Variants in ASAP1 observed in about 807,000 individuals in gnomAD.
ASAP1 encodes arf-GAP with SH3 domain, ANK repeat and PH domain-containing protein 1.
In ASAP1, 43 loss-of-function variants were observed where a neutral mutation model predicts 145.2. The ratio of observed to expected loss-of-function variants is 0.30; its 90% CI spans 0.23 to 0.38. The LOEUF is 0.38. ASAP1 is among the 10% of genes least tolerant of loss of function. The pLI is 1.00. For synonymous variants in ASAP1, 546 were observed against 515.5 expected (o/e 1.06, Z -0.80); for missense variants, 1,018 against 1,355.3 (o/e 0.75, Z 3.91).
chr8:130,178,908 C>T (rs1348954488), intron 9 of ASAP1, among the ~76,000 whole-genome samples: 1 of 148,966 alleles, frequency 6.7e-6, no homozygotes, highest in African/African-American at 2.5e-5. Context: ...AAAAAAAAGG[C>T]AAAATGCCAA....
intron 2 of ASAP1, among the ~76,000 whole-genome samples, chr8:130,376,652 G>C (rs1036511602): frequency 2.0e-5 from 3 of 152,022 alleles, no homozygotes; most frequent in African/African-American, 4.8e-5. Flanking sequence ...CTTGAACCAG[G>C]GAGTCAGGGG....
In ASAP1 at chr8:130,370,690, A is replaced by C. The variant is rs372115031; in HGVS notation, c.60-12547T>G. ...AACAAATGGATAAACAAAATGTGGT[A>C]TATCCATACAATGGAATATTATTCA... is the stretch of plus-strand genomic sequence containing the variant. On this transcript the variant is annotated intron_variant, in intron 2 of 29. Transcript: ENST00000518721. Among the ~76,000 whole-genome samples, 165 of 152,388 alleles carry C rather than the reference A, an allele frequency of 1.1e-3. 3 individuals are homozygous for C. Among genetic ancestry groups the C allele is most frequent in the African/African-American group, 3.9e-3 (162 of 41,606 alleles).
chr8:130,393,264 T>C (rs1238804556), intron 2 of ASAP1, among the ~76,000 whole-genome samples: 2 of 152,190 alleles, frequency 1.3e-5, no homozygotes, highest in African/African-American at 2.4e-5. Flanking sequence ...AGGAAAATCA[T>C]GAGGAAATGT....
chr8:130,442,201 AAAG>A (rs1830509203), intron 1 of ASAP1, among the ~76,000 whole-genome samples: 1 of 152,228 alleles, frequency 6.6e-6, no homozygotes, highest in Non-Finnish European at 1.5e-5. Context: ...GCTGTGACGC[AAAG>A]AAGACGTTTC....
intron 7 of ASAP1, among the ~76,000 whole-genome samples, chr8:130,186,415 T>C (rs899592516): frequency 1.2e-4 from 18 of 152,188 alleles, no homozygotes; most frequent in African/African-American, 4.3e-4. Flanking sequence ...TTTATTCTCT[T>C]ATGTTTATAG....
At chr8:130,192,221 A>G (rs1440335811) in intron 5 of ASAP1, among the ~76,000 whole-genome samples, 2 of 151,738 alleles carry the variant, frequency 1.3e-5, no homozygotes. Context: ...GGGGCAAAAA[A>G]TAAAAAACCA....
intron 3 of ASAP1, among the ~76,000 whole-genome samples, chr8:130,270,743 G>GTT (rs1287340065): frequency 7.9e-5 from 12 of 152,134 alleles, no homozygotes; most frequent in Admixed American, 2.6e-4. Flanking sequence ...TGTCCAACAG[G>GTT]TAGAAGCTGC....
At chr8:130,062,604 A>G (rs530602564) in intron 27 of ASAP1, among the ~76,000 whole-genome samples, 9 of 152,338 alleles carry the variant, frequency 5.9e-5, no homozygotes, top group African/African-American at 1.9e-4. Context: ...GCTGTGAGTC[A>G]CACTGATGGG....
chr8:130,248,083 T>G (rs997755244), intron 3 of ASAP1, among the ~76,000 whole-genome samples: 4 of 152,152 alleles, frequency 2.6e-5, no homozygotes, highest in Non-Finnish European at 5.9e-5. Context: ...AGTGGGCCTA[T>G]CTGTGGCATC....
At chr8:130,436,879 G>A (rs1830329805) in intron 1 of ASAP1, among the ~76,000 whole-genome samples, 1 of 152,084 alleles carries the variant, frequency 6.6e-6, no homozygotes, top group Non-Finnish European at 1.5e-5. Context: ...GGCTGAGGCA[G>A]GCGGATTACC....
chr8:130,328,510 T>A (rs1215813081), intron 3 of ASAP1, among the ~76,000 whole-genome samples: 1 of 152,080 alleles, frequency 6.6e-6, no homozygotes, highest in East Asian at 1.9e-4. Context: ...CACAACACCT[T>A]GGCCACACAA....
At chr8:130,336,970 T>C (rs6992270) in intron 3 of ASAP1, among the ~76,000 whole-genome samples, 5,297 of 152,264 alleles carry the variant, frequency 0.035, 125 homozygotes, top group Middle Eastern at 0.068. Flanking sequence ...TAAAAATAGT[T>C]TTGATCTCTC....
At chr8:130,170,327 G>A (rs965826501) in intron 9 of ASAP1, among the ~76,000 whole-genome samples, 7 of 151,924 alleles carry the variant, frequency 4.6e-5, no homozygotes, top group African/African-American at 1.7e-4. Context: ...GCTAATTTTT[G>A]TATTTTCAGT....
intron 5 of ASAP1, chr8:130,194,973 A>G (rs897443585): frequency 1.3e-5 from 2 of 152,194 alleles, no homozygotes; most frequent in African/African-American, 4.8e-5. Flanking sequence ...CAATAACAGT[A>G]TCAGTAAACT....
chr8:130,112,409 G>A, intron 23 of ASAP1, 87 bp from the exon 24 acceptor site: 2 of 1,135,858 alleles, frequency 1.8e-6, no homozygotes, highest in Non-Finnish European at 2.5e-6. Flanking sequence ...GCTCAGGTGG[G>A]AATCTGGGTT....
At chr8:130,308,684 A>T (rs1370057208) in intron 3 of ASAP1, among the ~76,000 whole-genome samples, 1 of 152,206 alleles carries the variant, frequency 6.6e-6, no homozygotes, top group Non-Finnish European at 1.5e-5. Context: ...TATTTTTGAC[A>T]GACATAAAAC....
intron 1 of ASAP1, among the ~76,000 whole-genome samples, chr8:130,431,081 C>T (rs1181530758): frequency 6.6e-6 from 1 of 152,178 alleles, no homozygotes; most frequent in Admixed American, 6.5e-5. Context: ...AGACATGACT[C>T]AGCCTTGCCA....
Position 130,072,820 on chromosome 8 carries a change from T to TGTGTGTGTGC in ASAP1, c.2701+3527_2701+3528insGCACACACAC, listed in dbSNP as rs1554816346. ...GTGTGTGTGTGTGTGTGTGTGTGTG[T>TGTGTGTGTGC]GTGTGCGCGCGGGGGGGGGCAGTTT... On this transcript the variant is annotated intron_variant, in intron 27 of 29. Transcript: ENST00000518721. 5.9e-4 allele frequency among the ~76,000 whole-genome samples: 13 copies of TGTGTGTGTGC among 22,086 alleles called. 1 individual carries two copies. The highest frequency in any genetic ancestry group is 1.4e-3 in the Admixed American group (2 of 1,396). 14.5% of individuals were successfully genotyped at this position (22,086 alleles called of 152,430 possible).
chr8:130,383,696 T>A (rs1406843281), intron 2 of ASAP1, among the ~76,000 whole-genome samples: 1 of 152,224 alleles, frequency 6.6e-6, no homozygotes, highest in Non-Finnish European at 1.5e-5. Context: ...TTTATGTTTA[T>A]CTTAATGTTT....
Sources: allele counts gnomAD v4.1 joint callset (sites outside exome capture counted in the v4.1 genomes callset), GRCh38; gene constraint gnomAD v4.1.1; transcripts MANE v1.5; gene names NCBI Gene and HGNC (gene_info 2026-07-23, HGNC 2026-07-21).